The following DNMT3A variants were observed in gnomAD, a reference collection of about 807,000 sequenced individuals.
DNMT3A encodes the protein DNA (cytosine-5)-methyltransferase 3A.
Under a neutral mutation model 117.6 loss-of-function variants are expected in DNMT3A, and 267 were observed. The observed-to-expected ratio is 2.27, with a 90% CI of 2.05 to 2.51. The LOEUF is 2.51. Among genes scored for constraint, DNMT3A ranks in the 30% most tolerant of loss-of-function variants. The pLI is 0.00. For synonymous variants in DNMT3A, 432 were observed against 474.8 expected (o/e 0.91, Z 1.17); for missense variants, 1,029 against 1,260.2 (o/e 0.82, Z 2.78).
chr2:25,268,945 C>G (rs1427808982), intron 6 of DNMT3A, among the ~76,000 whole-genome samples: 1 of 152,194 alleles, frequency 6.6e-6, no homozygotes, highest in African/African-American at 2.4e-5. Context: ...TTGCATTAGG[C>G]CAGACAGAGG....
At chr2:25,312,126 C>T (rs755404696) in intron 2 of DNMT3A, among the ~76,000 whole-genome samples, 4 of 152,080 alleles carry the variant, frequency 2.6e-5, no homozygotes, top group African/African-American at 7.2e-5. Context: ...CAGAGTGGGG[C>T]GACACTCGGG....
In DNMT3A at chr2:25,239,149, T is replaced by C. The variant is rs755013083; in HGVS notation, c.2389A>G (p.Asn797Asp). 4 of 1,613,936 alleles carry C rather than the reference T, an allele frequency of 2.5e-6. No homozygotes were observed. Among genetic ancestry groups the C allele is most frequent in the Admixed American group, 1.7e-5 (1 of 59,990 alleles). Residue 797 changes from asparagine to aspartate, a missense_variant, in exon 20 of 23, where the codon AAC becomes GAC. Transcript: ENST00000321117. ...AAHRARYFWG[N>D]LPGMNRPLAS... ...ACCAACCTGTTCATACCGGGAAGGT[T>C]ACCCCAGAAGTAGCGGGCCCTGTGT... is the stretch of plus-strand genomic sequence containing the variant.
Position 25,281,624 on chromosome 2 carries a change from C to T in DNMT3A, c.448+817G>A. ...ATATGCAAAACAACCTGGCAGGGCC[C>T]TGGGAGGATCAAATGTGATAATGTA... On this transcript the variant is annotated intron_variant, in intron 4 of 22. Coordinates refer to ENST00000321117, the MANE Select transcript of DNMT3A (RefSeq NM_022552.5). This position sits in a 1 kb window ranked among gnomAD's most constrained non-coding sequence, Gnocchi z 4.8. 1 of 1,065,054 alleles carries T rather than the reference C, an allele frequency of 9.4e-7. No homozygotes were observed. Among genetic ancestry groups the T allele is most frequent in the Non-Finnish European group, 1.1e-6 (1 of 879,078 alleles). 66.0% of individuals were successfully genotyped at this position (1,065,054 alleles called of 1,614,324 possible).
At chr2:25,250,235 G>A (rs989454522) in intron 6 of DNMT3A, among the ~76,000 whole-genome samples, 5 of 152,316 alleles carry the variant, frequency 3.3e-5, no homozygotes, top group Admixed American at 2.6e-4. Context: ...GTGGTCCAAT[G>A]TATTGTCTTA....
chr2:25,314,971 G>A lies in DNMT3A; in HGVS notation c.-177-810C>T, dbSNP rs1287514015. Reference sequence around the variant, plus strand: ...CTCAGGCCACAGCTGGGGTGGGGGTGTTGCTGTCTCAGCCCCCTCACTCAG... The same window carrying A: ...CTCAGGCCACAGCTGGGGTGGGGGTATTGCTGTCTCAGCCCCCTCACTCAG... On this transcript the variant is annotated intron_variant, in intron 1 of 22. Coordinates refer to ENST00000321117, the MANE Select transcript of DNMT3A (RefSeq NM_022552.5). 3.3e-5 allele frequency among the ~76,000 whole-genome samples: 5 copies of A among 152,322 alleles called. No individual in the cohort carries two copies. In the East Asian group the frequency reaches 7.7e-4, roughly 23 times the overall value.
intron 6 of DNMT3A, among the ~76,000 whole-genome samples, chr2:25,270,770 G>A (rs926330004): frequency 6.6e-6 from 1 of 152,240 alleles, no homozygotes; most frequent in Non-Finnish European, 1.5e-5. Flanking sequence ...AAGGCCCAGG[G>A]AGGCAGTTTC....
At chr2:25,322,103 G>A (rs1031281149) in intron 1 of DNMT3A, among the ~76,000 whole-genome samples, 2 of 152,166 alleles carry the variant, frequency 1.3e-5, no homozygotes, top group Admixed American at 1.3e-4. Context: ...AATCGAAAGC[G>A]GTTGCCTCTG....
Position 25,265,647 on chromosome 2 carries a change from A to G in DNMT3A, c.639+9294T>C, listed in dbSNP as rs368779262. On this transcript the variant is annotated intron_variant, in intron 6 of 22. Transcript: ENST00000321117. ...AGCCTGGCCAACATGGTGAAACCCC[A>G]TCTCTCCTAAAAATACAAAAAATTA... 6.7e-4 allele frequency among the ~76,000 whole-genome samples: 102 copies of G among 152,176 alleles called. 2 individuals carry two copies. The South Asian group carries it at 0.021, about 31-fold the overall frequency.
At chr2:25,331,345 C>T (rs1037578601) in intron 1 of DNMT3A, among the ~76,000 whole-genome samples, 2 of 152,240 alleles carry the variant, frequency 1.3e-5, no homozygotes, top group Non-Finnish European at 2.9e-5. Context: ...TTATCCTTCA[C>T]ATAACACACA....
intron 4 of DNMT3A, among the ~76,000 whole-genome samples, chr2:25,276,636 G>GC (rs2031433410): frequency 6.6e-6 from 1 of 152,162 alleles, no homozygotes; most frequent in South Asian, 2.1e-4. Context: ...CAGGCCCAGC[G>GC]CCCCGGAGGC....
At chr2:25,308,969 A>G (rs1472245555) in intron 2 of DNMT3A, among the ~76,000 whole-genome samples, 1 of 28,472 alleles carries the variant, frequency 3.5e-5, no homozygotes, top group South Asian at 6.4e-4. Flanking sequence ...ACAGATGCAT[A>G]CACACACACA....
At chr2:25,269,797 C>T (rs1370714751) in intron 6 of DNMT3A, among the ~76,000 whole-genome samples, 2 of 152,210 alleles carry the variant, frequency 1.3e-5, no homozygotes, top group African/African-American at 4.8e-5. Context: ...CTCACTTCAG[C>T]CTCAGGGACT....
chr2:25,328,068 T>C (rs2034853314), intron 1 of DNMT3A, among the ~76,000 whole-genome samples: 1 of 152,176 alleles, frequency 6.6e-6, no homozygotes, highest in Non-Finnish European at 1.5e-5. Context: ...TCAGCAAGGA[T>C]TGCCCACACA....
chr2:25,338,454 G>C (rs2035290430), intron 1 of DNMT3A, among the ~76,000 whole-genome samples: 1 of 152,224 alleles, frequency 6.6e-6, no homozygotes, highest in South Asian at 2.1e-4. Flanking sequence ...GGGTCTTTCA[G>C]GGAGGTGTGA....
In DNMT3A at chr2:25,254,965, C is replaced by T. The variant is rs1675991385; in HGVS notation, c.640-6713G>A. ...GCTGTTCCCTCCGGCCGTCAAACTTCCTTATTCTCATCCTTTAACATTAAA... is the reference window on the plus strand; with the variant it reads ...GCTGTTCCCTCCGGCCGTCAAACTTTCTTATTCTCATCCTTTAACATTAAA... On this transcript the variant is annotated intron_variant, in intron 6 of 22. Transcript: ENST00000321117. This position sits in a 1 kb window ranked among gnomAD's most constrained non-coding sequence, Gnocchi z 4.7. Among the ~76,000 whole-genome samples the T allele has an allele frequency of 6.6e-6, 1 of 152,184 alleles. No homozygotes were observed. Among genetic ancestry groups the T allele is most frequent in the African/African-American group, 2.4e-5 (1 of 41,436 alleles).
chr2:25,312,285 G>A (rs191716086), intron 2 of DNMT3A, among the ~76,000 whole-genome samples: 1 of 152,334 alleles, frequency 6.6e-6, no homozygotes, highest in Non-Finnish European at 1.5e-5. Context: ...CTTGAGTCCT[G>A]AGCGGGGGCA....
chr2:25,251,663 G>A (rs1167384131), intron 6 of DNMT3A, among the ~76,000 whole-genome samples: 1 of 152,188 alleles, frequency 6.6e-6, no homozygotes, highest in East Asian at 1.9e-4. Flanking sequence ...TGTCAGGGTC[G>A]CACCGTGCTC....
In DNMT3A at chr2:25,237,079, C is replaced by T. The variant is rs1673457995; in HGVS notation, c.2409-74G>A. ...GGAAGGGCCCCAGCTGCACGACTCCCCTCCCTCCCCCAGCAGCCACTAGTT... is the reference window on the plus strand; with the variant it reads ...GGAAGGGCCCCAGCTGCACGACTCCTCTCCCTCCCCCAGCAGCCACTAGTT... On this transcript the variant is annotated intron_variant, in intron 20 of 22. Coordinates refer to ENST00000321117, the MANE Select transcript of DNMT3A (RefSeq NM_022552.5). This position sits in a 1 kb window ranked among gnomAD's most constrained non-coding sequence, Gnocchi z 5.4. 6.9e-7 allele frequency: 1 copy of T among 1,456,734 alleles called. No individual in the cohort carries two copies. Among genetic ancestry groups the T allele is most frequent in the Non-Finnish European group, 9.5e-7 (1 of 1,054,874 alleles). 90.2% of individuals were successfully genotyped at this position (1,456,734 alleles called of 1,614,324 possible). A position where few individuals can be genotyped will look rare whatever the true frequency, so the allele number is the denominator to read the frequency against.
chr2:25,271,849 G>A (rs868165923), intron 6 of DNMT3A, among the ~76,000 whole-genome samples: 25 of 152,226 alleles, frequency 1.6e-4, no homozygotes, highest in African/African-American at 5.5e-4. Flanking sequence ...TTGGTTGGGA[G>A]TGGGGATGCA....
Sources: gnomAD v4.1 joint callset for allele counts (sites outside exome capture counted in the v4.1 genomes callset) on GRCh38, gnomAD v4.1.1 for gene constraint, Gnocchi (gnomAD v3.1) non-coding constraint, MANE v1.5 for transcripts, NCBI Gene and HGNC (gene_info 2026-07-23, HGNC 2026-07-21) for gene names.